The following NAALADL2 variants were observed in gnomAD, a reference collection of about 807,000 sequenced individuals.
NAALADL2 encodes the protein N-acetylated alpha-linked acidic dipeptidase like 2.
Under a neutral mutation model 87.2 loss-of-function variants are expected in NAALADL2, and 76 were observed. That is an observed-to-expected ratio of 0.87 (90% CI 0.72 to 1.05). The LOEUF is 1.05. Among genes scored for constraint, NAALADL2 ranks in the 50% least tolerant of loss-of-function variants. NAALADL2 has a pLI of 0.00. For synonymous variants in NAALADL2, 354 were observed against 331.0 expected (o/e 1.07, Z -0.75); for missense variants, 1,089 against 945.8 (o/e 1.15, Z -1.99).
chr3:175,471,035 G>T (rs1171722216), intron 8 of NAALADL2, among the ~76,000 whole-genome samples: 1 of 152,070 alleles, frequency 6.6e-6, no homozygotes, highest in Admixed American at 6.6e-5. Flanking sequence ...AATCCATACT[G>T]TGTTAACCTT....
intron 1 of NAALADL2, among the ~76,000 whole-genome samples, chr3:175,029,260 A>G (rs1752548699): frequency 6.6e-6 from 1 of 151,954 alleles, no homozygotes; most frequent in Admixed American, 6.6e-5. Context: ...TCATTCTTTC[A>G]CGTCTCTCTT....
intron 1 of NAALADL2, among the ~76,000 whole-genome samples, chr3:174,531,558 G>C (rs764673126): frequency 5.9e-5 from 9 of 152,066 alleles, no homozygotes; most frequent in Non-Finnish European, 1.3e-4. Context: ...GAGGATTTTC[G>C]AACTTTCTAT....
intron 1 of NAALADL2, among the ~76,000 whole-genome samples, chr3:174,519,345 G>A (rs1395306242): frequency 1.3e-5 from 1 of 75,892 alleles, no homozygotes; most frequent in African/African-American, 5.3e-5. Context: ...TTTTTTTTTT[G>A]AGACAGAGTT....
chr3:174,997,268 T>C (rs1047295547), intron 1 of NAALADL2, among the ~76,000 whole-genome samples: 1 of 152,072 alleles, frequency 6.6e-6, no homozygotes, highest in Non-Finnish European at 1.5e-5. Flanking sequence ...TTTTCCATAG[T>C]GGTACTAATT....
At chr3:174,548,309 T>G (rs1365234411) in intron 1 of NAALADL2, among the ~76,000 whole-genome samples, 1 of 152,024 alleles carries the variant, frequency 6.6e-6, no homozygotes, top group Non-Finnish European at 1.5e-5. Context: ...ATGTGTTAAG[T>G]GAAAAAACAG....
rs186750026 is a variant in NAALADL2 at position 175,192,349 on chromosome 3, G to T, written c.546-41582G>T. 1.6e-3 allele frequency among the ~76,000 whole-genome samples: 241 copies of T among 152,180 alleles called. 1 individual carries two copies. The highest frequency in any genetic ancestry group is 2.5e-3 in the Admixed American group (38 of 15,286). On this transcript the variant is annotated intron_variant, in intron 2 of 13. Coordinates refer to ENST00000454872, the MANE Select transcript of NAALADL2 (RefSeq NM_207015.3). ...TTAGATTTTTATAAGATTCAGTGCA[G>T]TGATTTTTAAAATAAAATTCTTATG...
At chr3:174,457,528 T>A (rs1715921626) in intron 1 of NAALADL2, among the ~76,000 whole-genome samples, 1 of 151,974 alleles carries the variant, frequency 6.6e-6, no homozygotes, top group African/African-American at 2.4e-5. Flanking sequence ...CATACAGCCA[T>A]AGAAAGAGTG....
At chr3:175,366,580 G>A (rs996948020) in intron 5 of NAALADL2, among the ~76,000 whole-genome samples, 17 of 151,776 alleles carry the variant, frequency 1.1e-4, no homozygotes, top group Admixed American at 2.0e-4. Context: ...ATCCCATTGT[G>A]GTTTTGATTT....
intron 2 of NAALADL2, among the ~76,000 whole-genome samples, chr3:174,557,048 A>G (rs1025275309): frequency 2.6e-5 from 4 of 152,290 alleles, no homozygotes; most frequent in Non-Finnish European, 4.4e-5. Flanking sequence ...GCCCAGCTAC[A>G]TTTTTACAGA....
intron 1 of NAALADL2, among the ~76,000 whole-genome samples, chr3:175,087,871 C>A (rs1719343623): frequency 6.6e-6 from 1 of 151,282 alleles, no homozygotes; most frequent in African/African-American, 2.4e-5. Context: ...CCTGCCAAAT[C>A]CCCCTCTGCG....
chr3:174,728,760 C>G (rs1732434990), intron 2 of NAALADL2, among the ~76,000 whole-genome samples: 1 of 152,036 alleles, frequency 6.6e-6, no homozygotes, highest in African/African-American at 2.4e-5. Flanking sequence ...CGGATTATAA[C>G]TTACATTTAT....
At chr3:174,754,426 AGG>A (rs1404073377) in intron 3 of NAALADL2, among the ~76,000 whole-genome samples, 3 of 151,852 alleles carry the variant, frequency 2.0e-5, no homozygotes, top group Non-Finnish European at 4.4e-5. Flanking sequence ...GTATAAAATA[AGG>A]AAAGTATATT....
chr3:175,372,126 C>T (rs28609656), intron 5 of NAALADL2, among the ~76,000 whole-genome samples: 2,555 of 152,268 alleles, frequency 0.017, 58 homozygotes, highest in African/African-American at 0.058. Context: ...CCTAGGCAGA[C>T]CTCATTTAGT....
intron 3 of NAALADL2, among the ~76,000 whole-genome samples, chr3:174,824,664 A>G (rs1328947190): frequency 2.0e-5 from 3 of 152,232 alleles, no homozygotes; most frequent in African/African-American, 7.2e-5. Flanking sequence ...TAGATAAATC[A>G]ATCAATTAGG....
intron 1 of NAALADL2, among the ~76,000 whole-genome samples, chr3:174,538,611 C>T (rs1428617980): frequency 1.3e-5 from 2 of 152,104 alleles, no homozygotes; most frequent in African/African-American, 2.4e-5. Context: ...AGAGAATTAA[C>T]TAAGATTCTG....
intron 2 of NAALADL2, among the ~76,000 whole-genome samples, chr3:174,597,650 A>G (rs952464458): frequency 4.6e-5 from 7 of 152,220 alleles, no homozygotes; most frequent in African/African-American, 9.6e-5. Context: ...GGTCTTACCC[A>G]TCCTTGGCTT....
chr3:174,907,150 T>C (rs1277526277), intron 1 of NAALADL2, among the ~76,000 whole-genome samples: 2 of 152,086 alleles, frequency 1.3e-5, no homozygotes, highest in Non-Finnish European at 2.9e-5. Flanking sequence ...CTCAGCAGAA[T>C]TACCTTTCTA....
chr3:174,815,840 T>C (rs867025628), intron 3 of NAALADL2, among the ~76,000 whole-genome samples: 1 of 148,484 alleles, frequency 6.7e-6, no homozygotes, highest in African/African-American at 2.5e-5. Flanking sequence ...GTTTTTTTTT[T>C]TTTTTTTTTT....
chr3:174,468,784 C>T (rs1716700531), intron 1 of NAALADL2, among the ~76,000 whole-genome samples: 4 of 138,790 alleles, frequency 2.9e-5, no homozygotes, highest in South Asian at 2.3e-4. Context: ...TTTTTTGAGA[C>T]GGAGTCTCAC....
Sources: allele counts gnomAD v4.1 joint callset (sites outside exome capture counted in the v4.1 genomes callset), GRCh38; gene constraint gnomAD v4.1.1; transcripts MANE v1.5; gene names NCBI Gene and HGNC (gene_info 2026-07-23, HGNC 2026-07-21).